Variants in CDH26 observed in about 807,000 individuals in gnomAD.
The protein encoded by CDH26 is cadherin-like protein 26.
A neutral mutation model predicts 90.3 loss-of-function variants in CDH26; 83 were observed. That is an observed-to-expected ratio of 0.92 (90% CI 0.77 to 1.10). CDH26 has a LOEUF of 1.10. CDH26 is among the 50% of genes least tolerant of loss of function. CDH26 has a pLI of 0.00. For synonymous variants in CDH26, 397 were observed against 396.3 expected, an observed-to-expected ratio of 1.00 and a Z score of -0.02; for missense variants, 1,013 against 1,037.6, an observed-to-expected ratio of 0.98 and a Z score of 0.33.
intron 16 of CDH26, 104 bp downstream of exon 16, chr20:60,002,970 TA>T (rs1056416781): frequency 2.1e-3 from 1,487 of 696,046 alleles, no homozygotes; most frequent in African/African-American, 4.2e-3. Context: ...AAAGAGGTGA[TA>T]AAAAAAAATA....
At chr20:60,020,290 C>A (rs1297099569) in intron 7 of CDH26, among the ~76,000 whole-genome samples, 1 of 152,200 alleles carries the variant, frequency 6.6e-6, no homozygotes, top group Non-Finnish European at 1.5e-5. Context: ...CCTGCAGCAG[C>A]CCACAGGGCT....
At position 60,012,557 on chromosome 20, in the gene CDH26, GACCCCGGCT is replaced by G. The variant is rs1334871189; in HGVS notation, c.2330_2338del (p.Pro777_Tyr779del). ...CCATGTTGCCAATGTGCTGGAAGATGACCCCGGCTACCTACCTCACGTCTACAGCGAGGA... is the reference window on the plus strand; with the variant it reads ...CCATGTTGCCAATGTGCTGGAAGATGACCTACCTCACGTCTACAGCGAGGA... On this transcript the variant is annotated inframe_deletion, in exon 18 of 18. Coordinates refer to ENST00000348616, the MANE Select transcript of CDH26 (RefSeq NM_177980.4). 1.2e-6 allele frequency: 2 copies of G among 1,613,946 alleles called. No individual in the cohort carries two copies. The highest frequency in any genetic ancestry group is 1.7e-6 in the Non-Finnish European group (2 of 1,179,914).
intron 1 of CDH26, among the ~76,000 whole-genome samples, chr20:59,964,467 T>A (rs1463743092): frequency 7.3e-6 from 1 of 136,724 alleles, no homozygotes; most frequent in African/African-American, 2.7e-5. Flanking sequence ...CACCACCGCA[T>A]TATAGAAAGC....
Position 60,014,418 on chromosome 20 carries a change from T to C in CDH26, c.*1688T>C, listed in dbSNP as rs2061887293. Reference sequence around the variant, plus strand: ...TCCTCCTAGGAATAATTTGCTGTAATTTTGTATCCTTTAATAAATCTCTCC... The same window carrying C: ...TCCTCCTAGGAATAATTTGCTGTAACTTTGTATCCTTTAATAAATCTCTCC... On this transcript the variant is annotated 3_prime_UTR_variant, in exon 18 of 18. Transcript: ENST00000348616. 1 of 152,176 alleles carries C rather than the reference T, an allele frequency of 6.6e-6. No homozygotes were observed. Among genetic ancestry groups the C allele is most frequent in the Non-Finnish European group, 1.5e-5 (1 of 68,054 alleles). 9.4% of individuals were successfully genotyped at this position (152,176 alleles called of 1,614,324 possible).
chr20:60,014,780 C>G (rs990389072), downstream of CDH26, among the ~76,000 whole-genome samples: 11 of 152,178 alleles, frequency 7.2e-5, no homozygotes, highest in African/African-American at 2.7e-4. Context: ...GATGTCTCTT[C>G]AAAATACAGA....
chr20:59,988,224 G>A (rs2061482152), intron 8 of CDH26, among the ~76,000 whole-genome samples: 1 of 152,204 alleles, frequency 6.6e-6, no homozygotes. Context: ...GAGGGGTGGA[G>A]TGGAGGATCC....
At chr20:60,021,865 C>CACACACACACACACACAT (rs34619376) in intron 7 of CDH26, among the ~76,000 whole-genome samples, 1,623 of 75,796 alleles carry the variant, frequency 0.021, 263 homozygotes, top group Admixed American at 0.04. Context: ...CACACACACA[C>CACACACACACACACACAT]ACACACACAC....
At chr20:60,018,062 GA>G (rs995585185), downstream of CDH26, among the ~76,000 whole-genome samples, 3 of 151,928 alleles carry the variant, frequency 2.0e-5, no homozygotes, top group Non-Finnish European at 4.4e-5. Context: ...ATGTGCTGAT[GA>G]AAAAAATGTG....
intron 7 of CDH26, among the ~76,000 whole-genome samples, chr20:60,028,226 C>A (rs2062014087): frequency 6.6e-6 from 1 of 152,252 alleles, no homozygotes; most frequent in African/African-American, 2.4e-5. Context: ...CTCACTCTTG[C>A]AACCACTGGT....
chr20:60,013,209 G>A lies in CDH26; in HGVS notation c.*479G>A, dbSNP rs1157629434. On this transcript the variant is annotated 3_prime_UTR_variant, in exon 18 of 18. Coordinates refer to ENST00000348616, the MANE Select transcript of CDH26 (RefSeq NM_177980.4). The stretch of plus-strand genomic sequence containing the variant: ...ATAACATTTGTAGTCAGTATTTGAA[G>A]TGATTTTTTAAAAAATAAGTATTGG... 1.3e-5 allele frequency: 2 copies of A among 152,650 alleles called. No individual in the cohort carries two copies. The highest frequency in any genetic ancestry group is 2.9e-5 in the Non-Finnish European group (2 of 68,366). The allele number at this position is 152,650 out of a possible 1,614,324, so 9.5% of individuals were successfully genotyped here.
At chr20:60,000,738 T>C (rs16983379) in intron 14 of CDH26, among the ~76,000 whole-genome samples, 2 of 152,168 alleles carry the variant, frequency 1.3e-5, no homozygotes, top group Admixed American at 1.3e-4. Context: ...CCCTTCAGTG[T>C]CCTGCAAATA....
intron 17 of CDH26, among the ~76,000 whole-genome samples, chr20:60,011,584 G>A (rs1364042581): frequency 6.6e-6 from 1 of 152,184 alleles, no homozygotes; most frequent in Non-Finnish European, 1.5e-5. Flanking sequence ...CCACAGCTCA[G>A]CCCTGCCATT....
At chr20:60,023,371 A>G (rs1405367971) in intron 7 of CDH26, among the ~76,000 whole-genome samples, 2 of 152,252 alleles carry the variant, frequency 1.3e-5, no homozygotes, top group Non-Finnish European at 2.9e-5. Flanking sequence ...AAGTAGCAGA[A>G]CCGAAGCACG....
chr20:60,021,897 C>CACACACACATATATATAT (rs1295572684), intron 7 of CDH26, among the ~76,000 whole-genome samples: 1 of 78,938 alleles, frequency 1.3e-5, no homozygotes, highest in Non-Finnish European at 3.0e-5. Flanking sequence ...CACACACACA[C>CACACACACATATATATAT]ATATATATAT....
At chr20:59,996,803 A>G in intron 13 of CDH26, 42 bp downstream of exon 13, 1 of 1,612,916 alleles carries the variant, frequency 6.2e-7, no homozygotes, top group Non-Finnish European at 8.5e-7. Flanking sequence ...CAAGGAATTC[A>G]CTAATACACA....
At chr20:59,969,947 G>C (rs6128729) in intron 2 of CDH26, 135 bp from the exon 3 acceptor site, 2 of 1,338,382 alleles carry the variant, frequency 1.5e-6, no homozygotes, top group African/African-American at 3.0e-5. Flanking sequence ...TCCAAGCTTA[G>C]GTGGCTGTTC....
At chr20:59,970,431 C>G (rs974656423) in intron 3 of CDH26, among the ~76,000 whole-genome samples, 1 of 151,554 alleles carries the variant, frequency 6.6e-6, no homozygotes, top group Non-Finnish European at 1.5e-5. Context: ...TCTCATACAG[C>G]AACAGGGTGG....
intron 4 of CDH26, among the ~76,000 whole-genome samples, chr20:59,974,237 G>T (rs2061299712): frequency 1.3e-5 from 2 of 151,954 alleles, no homozygotes; most frequent in African/African-American, 4.8e-5. Flanking sequence ...ACTTTTTAAT[G>T]GGGTTTTTTT....
intron 15 of CDH26, chr20:60,001,680 C>T: frequency 1.1e-6 from 1 of 897,456 alleles, no homozygotes; most frequent in Non-Finnish European, 1.3e-6. Context: ...CAAATAGATA[C>T]ATTTTCTCAT....
Sources: allele counts gnomAD v4.1 joint callset (sites outside exome capture counted in the v4.1 genomes callset), GRCh38; gene constraint gnomAD v4.1.1; transcripts MANE v1.5; gene names NCBI Gene and HGNC (gene_info 2026-07-23, HGNC 2026-07-21).